Variants in RBFOX2 observed in about 807,000 individuals in gnomAD.
RBFOX2 encodes RNA binding fox-1 homolog 2.
RBFOX2 carries 10 observed loss-of-function variants against 49.1 expected under a neutral mutation model. The observed-to-expected ratio is 0.20, with a 90% CI of 0.13 to 0.35. The LOEUF (loss-of-function observed/expected upper bound fraction) is 0.35. RBFOX2 is among the 10% of genes least tolerant of loss of function. RBFOX2 has a pLI of 1.00. For missense variants in RBFOX2, 323 were observed against 486.9 expected, an observed-to-expected ratio of 0.66 and a Z score of 3.17; for synonymous variants, 183 against 187.4, an observed-to-expected ratio of 0.98 and a Z score of 0.19.
At chr22:35,978,874 AG>A (rs1261618464) in intron 1 of RBFOX2, among the ~76,000 whole-genome samples, 1 of 152,234 alleles carries the variant, frequency 6.6e-6, no homozygotes, top group African/African-American at 2.4e-5. Flanking sequence ...TGGTTGGTTC[AG>A]GAAAGAGTAG....
intron 5 of RBFOX2, among the ~76,000 whole-genome samples, chr22:35,766,881 G>A (rs1214987862): frequency 6.6e-6 from 1 of 152,138 alleles, no homozygotes; most frequent in Admixed American, 6.6e-5. Context: ...TAACTGAAGG[G>A]ATGGGAAAGG....
chr22:35,846,225 ATAAGT>A (rs1569370393), intron 1 of RBFOX2, among the ~76,000 whole-genome samples: 3 of 149,592 alleles, frequency 2.0e-5, no homozygotes, highest in African/African-American at 7.3e-5. Context: ...TATAAACTAT[ATAAGT>A]TAATATAATT....
chr22:35,768,147 A>ATG (rs1941583502), intron 5 of RBFOX2, 110 bp downstream of exon 6: 1 of 1,144,586 alleles, frequency 8.7e-7, no homozygotes, highest in East Asian at 2.4e-5. Flanking sequence ...ACACACATAC[A>ATG]TGTGCACACG....
exon 1 of RBFOX2, chr22:36,028,316 C>T: frequency 6.6e-7 from 1 of 1,514,438 alleles, no homozygotes. Flanking sequence ...GGCTCCGTCT[C>T]CTCCCGCTCC....
intron 1 of RBFOX2, among the ~76,000 whole-genome samples, chr22:35,958,846 T>C (rs2149921335): frequency 6.6e-6 from 1 of 152,328 alleles, no homozygotes; most frequent in South Asian, 2.1e-4. Flanking sequence ...TCGTTATACT[T>C]TGATTCCTGT....
At chr22:35,776,973 A>G (rs1944062792) in intron 4 of RBFOX2, among the ~76,000 whole-genome samples, 1 of 152,014 alleles carries the variant, frequency 6.6e-6, no homozygotes, top group African/African-American at 2.4e-5. Context: ...GAAATTCTAA[A>G]TCATACAGAT....
Position 35,907,355 on chromosome 22 carries a change from C to T in RBFOX2, c.-34+31492G>A, listed in dbSNP as rs1457834354. Among the ~76,000 whole-genome samples, 5 of 152,292 alleles carry T rather than the reference C, an allele frequency of 3.3e-5. No individual in the cohort carries two copies. The East Asian group carries it at 7.7e-4, about 23-fold the overall frequency. On this transcript the variant is annotated intron_variant, in intron 1 of 13. Coordinates refer to the RBFOX2 transcript ENST00000359369. ...GTTTTCTTAGGTAGGGGAGGGGACA[C>T]CCCTCTTTTCTTCCTCTCAAACTGC...
intron 1 of RBFOX2, among the ~76,000 whole-genome samples, chr22:35,914,340 T>C (rs989552507): frequency 1.3e-5 from 2 of 152,178 alleles, no homozygotes; most frequent in Non-Finnish European, 2.9e-5. Context: ...CCCCTAAACC[T>C]CAAGGCTAGC....
At chr22:35,777,004 T>C (rs570724997) in intron 4 of RBFOX2, among the ~76,000 whole-genome samples, 16 of 151,646 alleles carry the variant, frequency 1.1e-4, no homozygotes, top group Non-Finnish European at 1.9e-4. Context: ...AAATAGTAAA[T>C]AGGGGAAATA....
At chr22:35,772,166 G>T (rs1472281012) in intron 4 of RBFOX2, among the ~76,000 whole-genome samples, 1 of 152,030 alleles carries the variant, frequency 6.6e-6, no homozygotes, top group African/African-American at 2.4e-5. Flanking sequence ...AACAGATGGA[G>T]AATTTTTGTT....
intron 1 of RBFOX2, among the ~76,000 whole-genome samples, chr22:35,830,789 T>C (rs1350218831): frequency 6.6e-6 from 1 of 151,950 alleles, no homozygotes. Context: ...ACATGAAAAA[T>C]GTTTTTAAAA....
chr22:35,813,846 T>A (rs559514190), intron 1 of RBFOX2, among the ~76,000 whole-genome samples: 1 of 152,330 alleles, frequency 6.6e-6, no homozygotes. Flanking sequence ...TAACAAGGGA[T>A]AACACAGAGT....
chr22:35,941,301 A>AC (rs2053662316), upstream of RBFOX2, among the ~76,000 whole-genome samples: 1 of 152,102 alleles, frequency 6.6e-6, no homozygotes. Flanking sequence ...GATGATGATA[A>AC]CCCCCCAGTT....
chr22:35,920,067 TGAG>T (rs759795989), intron 1 of RBFOX2, among the ~76,000 whole-genome samples: 1 of 152,076 alleles, frequency 6.6e-6, no homozygotes, highest in East Asian at 1.9e-4. Context: ...AAAAAAAGAA[TGAG>T]GATAAACGAC....
At chr22:35,765,424 A>G (rs1602354823) in exon 6 of RBFOX2, 2 of 1,509,062 alleles carry the variant, frequency 1.3e-6, no homozygotes, top group Admixed American at 3.5e-5. Flanking sequence ...ATTTCTTACC[A>G]TTTGCATATG....
At chr22:35,863,839 T>A (rs1017090401) in intron 1 of RBFOX2, among the ~76,000 whole-genome samples, 1 of 152,224 alleles carries the variant, frequency 6.6e-6, no homozygotes, top group African/African-American at 2.4e-5. Context: ...AATGTTTCTG[T>A]GCAGCTCTGA....
chr22:35,999,537 C>G (rs2058325557), intron 1 of RBFOX2: 1 of 151,992 alleles, frequency 6.6e-6, no homozygotes, highest in Admixed American at 6.6e-5. Context: ...AGCCTGGCAA[C>G]AGAGCAAGAC....
chr22:35,904,999 C>G (rs1334880432), intron 1 of RBFOX2, among the ~76,000 whole-genome samples: 1 of 152,156 alleles, frequency 6.6e-6, no homozygotes, highest in Non-Finnish European at 1.5e-5. Flanking sequence ...TCCTAGAACA[C>G]GGTAATAACC....
intron 1 of RBFOX2, among the ~76,000 whole-genome samples, chr22:36,006,038 A>G (rs973012382): frequency 1.3e-5 from 2 of 152,342 alleles, no homozygotes; most frequent in East Asian, 3.9e-4. Flanking sequence ...TTCAGCTACA[A>G]AAGAGAAATT....
Sources: gnomAD v4.1 joint callset for allele counts (sites outside exome capture counted in the v4.1 genomes callset) on GRCh38, gnomAD v4.1.1 for gene constraint, MANE v1.5 for transcripts, NCBI Gene and HGNC (gene_info 2026-07-23, HGNC 2026-07-21) for gene names.